The following OTUD4 variants were observed in gnomAD, a reference collection of about 807,000 sequenced individuals.
OTUD4 encodes OTU domain-containing protein 4.
A neutral mutation model predicts 130.4 loss-of-function variants in OTUD4; 24 were observed. The ratio of observed to expected loss-of-function variants is 0.18; its 90% CI spans 0.13 to 0.26. The LOEUF (loss-of-function observed/expected upper bound fraction) is 0.26, where lower values mean the gene tolerates loss of function less well. Ranked by LOEUF, OTUD4 falls within the 10% of genes least tolerant of loss-of-function variation. The probability of loss-of-function intolerance (pLI) is 1.00; values close to 1 mark genes in which losing one functional copy is unlikely to be tolerated. For missense variants in OTUD4, 1,031 were observed against 1,329.4 expected, an observed-to-expected ratio of 0.78 and a Z score of 3.49; for synonymous variants, 420 against 472.5, an observed-to-expected ratio of 0.89 and a Z score of 1.44.
At chr4:145,168,752 T>C (rs1245753687) in intron 3 of OTUD4, among the ~76,000 whole-genome samples, 1 of 152,244 alleles carries the variant, frequency 6.6e-6, no homozygotes, top group East Asian at 1.9e-4. Context: ...TTTGGCAGTT[T>C]CTTAAAAATA....
In OTUD4 at chr4:145,136,356, TAGAAA is replaced by T. The variant is rs1369288961; in HGVS notation, c.*1069_*1073del. 1 of 148,390 alleles carries T rather than the reference TAGAAA, an allele frequency of 6.7e-6. No homozygotes were observed. Among genetic ancestry groups the T allele is most frequent in the Non-Finnish European group, 1.5e-5 (1 of 67,534 alleles). The allele number at this position is 148,390 out of a possible 1,614,324, so 9.2% of individuals were successfully genotyped here. A position where few individuals can be genotyped will look rare whatever the true frequency, so the allele number is the denominator to read the frequency against. On this transcript the variant is annotated 3_prime_UTR_variant, in exon 21 of 21. Coordinates refer to ENST00000447906, the MANE Select transcript of OTUD4 (RefSeq NM_001366057.1). Reference sequence around the variant, plus strand: ...AAAACCATTTTCTAGCAGCATCCTCTAGAAAAGAACTAGAAGTCACAATCATATTA... The same window carrying T: ...AAAACCATTTTCTAGCAGCATCCTCTAGAACTAGAAGTCACAATCATATTA...
chr4:145,160,017 C>T (rs1751481428), intron 6 of OTUD4, among the ~76,000 whole-genome samples: 1 of 152,188 alleles, frequency 6.6e-6, no homozygotes, highest in Admixed American at 6.5e-5. Context: ...AATTCCAGCA[C>T]AGTGAAGCAT....
Position 145,159,525 on chromosome 4 carries a change from C to G in OTUD4, c.607G>C (p.Asp203His), listed in dbSNP as rs1285028544. The G allele has an allele frequency of 6.2e-7, 1 of 1,613,606 alleles. No individual in the cohort carries two copies. The highest frequency in any genetic ancestry group is 1.7e-5 in the Admixed American group (1 of 60,022). ...VADEDNSEIS[D>H]SEDDSCKSKT... ...TACTTGCAACTGTCATCCTCTGAAT[C>G]TGATATTTCACTGTTATCTTCATCA... Residue 203 changes from aspartate to histidine, a missense_variant, in exon 7 of 21, where the codon GAT (aspartate) becomes CAT (histidine). Around this residue, in one of 3 missense-constraint regions of OTUD4, gnomAD observed 900 missense variants for 1,095.9 expected, o/e 0.82. Coordinates refer to ENST00000447906, the MANE Select transcript of OTUD4 (RefSeq NM_001366057.1).
intron 4 of OTUD4, 33 bp downstream of exon 4, chr4:145,165,113 GTTTCA>G (rs1751782852): frequency 8.4e-7 from 1 of 1,184,410 alleles, no homozygotes; most frequent in Non-Finnish European, 1.2e-6. Context: ...TTTCCCACTG[GTTTCA>G]TTTTCTTTTA....
intron 13 of OTUD4, 54 bp from the exon 14 acceptor site, chr4:145,146,483 TAAATA>T (rs1750832330): frequency 1.0e-6 from 1 of 955,500 alleles, no homozygotes. Context: ...AATAAATAAA[TAAATA>T]AAACATTCTT....
intron 20 of OTUD4, among the ~76,000 whole-genome samples, chr4:145,139,068 G>GC (rs1750433240): frequency 6.6e-6 from 1 of 152,116 alleles, no homozygotes; most frequent in Non-Finnish European, 1.5e-5. Context: ...AATTCTAGGA[G>GC]CCCCCAAGAG....
chr4:145,138,006 G>C lies in OTUD4; in HGVS notation c.2769C>G (p.Leu923=). 6.2e-7 allele frequency: 1 copy of C among 1,614,044 alleles called. No homozygotes were observed. Residue 923 remains leucine (L), a synonymous_variant, in exon 21 of 21, where the codon CTC becomes CTG. Transcript: ENST00000447906. ...PEARGEHVHS[L]PEASVSSKPD... ...GCTTACTGCTCACACTTGCTTCAGGGAGAGAATGTACATGTTCACCCCTGG... is the reference window on the plus strand; with the variant it reads ...GCTTACTGCTCACACTTGCTTCAGGCAGAGAATGTACATGTTCACCCCTGG...
chr4:145,155,712 A>G, intron 8 of OTUD4, 26 bp from the exon 9 acceptor site: 2 of 1,402,988 alleles, frequency 1.4e-6, no homozygotes, highest in East Asian at 2.3e-5. Flanking sequence ...AAGTCCAATC[A>G]ACACATAAGT....
In OTUD4 at chr4:145,137,703, T is replaced by G; in HGVS notation, c.3072A>C (p.Ser1024=). ...TATTAGACACTTCATTTTCATCTTC[T>G]GAACTCTCTTCTTTTGGTCTTTGCA... ...SRVQRPKEES[S]EDENEVSNIL... Residue 1024 remains serine (S), a synonymous_variant, in exon 21 of 21, where the codon TCA becomes TCC. Coordinates refer to ENST00000447906, the MANE Select transcript of OTUD4 (RefSeq NM_001366057.1). 1.2e-6 allele frequency: 2 copies of G among 1,614,112 alleles called. No homozygotes were observed. Among genetic ancestry groups the G allele is most frequent in the Non-Finnish European group, 1.7e-6 (2 of 1,180,012 alleles).
intron 3 of OTUD4, chr4:145,171,403 C>T (rs1220135605): frequency 9.2e-6 from 3 of 326,300 alleles, no homozygotes; most frequent in Non-Finnish European, 1.7e-5. Context: ...ATCATCACCC[C>T]AGTATTATTT....
intron 6 of OTUD4, among the ~76,000 whole-genome samples, chr4:145,162,385 C>G (rs1751619554): frequency 6.6e-6 from 1 of 152,004 alleles, no homozygotes; most frequent in Non-Finnish European, 1.5e-5. Flanking sequence ...AACCTAGTCT[C>G]TATTAAAAAT....
At chr4:145,168,748 A>G (rs1183970238) in intron 3 of OTUD4, among the ~76,000 whole-genome samples, 1 of 152,234 alleles carries the variant, frequency 6.6e-6, no homozygotes, top group Non-Finnish European at 1.5e-5. Context: ...AAAGTTTGGC[A>G]GTTTCTTAAA....
Position 145,180,147 on chromosome 4 carries a change from T to C in OTUD4, c.-174A>G, listed in dbSNP as rs1237695714. 4 of 265,236 alleles carry C rather than the reference T, an allele frequency of 1.5e-5. No homozygotes were observed. Among genetic ancestry groups the C allele is most frequent in the Non-Finnish European group, 2.4e-5 (4 of 163,548 alleles). 16.4% of individuals were successfully genotyped at this position (265,236 alleles called of 1,614,324 possible). A position where few individuals can be genotyped will look rare whatever the true frequency, so the allele number is the denominator to read the frequency against. On this transcript the variant is annotated 5_prime_UTR_variant, in exon 1 of 21. The change abolishes an upstream ATG in the 5' untranslated region. Coordinates refer to ENST00000447906, the MANE Select transcript of OTUD4 (RefSeq NM_001366057.1). ...CAGCGGTCCGCGCTCTCCGGGCGCA[T>C]AGGGAAGCCCTGCCTAATGCATGGC...
chr4:145,162,556 A>AAAAACAAAAAAC (rs940058132), intron 6 of OTUD4, 84 bp downstream of exon 6: 64 of 738,216 alleles, frequency 8.7e-5, no homozygotes, highest in Non-Finnish European at 1.3e-4. Context: ...CGTCTCAAAA[A>AAAAACAAAAAAC]AAAACAAAAA....
In OTUD4 at chr4:145,143,373, C is replaced by A. The variant is rs775077799; in HGVS notation, c.1675G>T (p.Ala559Ser). 1 of 1,595,882 alleles carries A rather than the reference C, an allele frequency of 6.3e-7. No individual in the cohort carries two copies. Among genetic ancestry groups the A allele is most frequent in the Non-Finnish European group, 8.6e-7 (1 of 1,163,858 alleles). ...TGCAACAATATACTTACTTGTTCCGCAGGAGAAGGGCACTCTAACTTCTTT... is the reference window on the plus strand; with the variant it reads ...TGCAACAATATACTTACTTGTTCCGAAGGAGAAGGGCACTCTAACTTCTTT... ...KSKKLECPSP[A>S]EQKPAEHVSL... Residue 559 changes from alanine (A) to serine (S), a missense_variant, in exon 17 of 21, where the codon GCG becomes TCG. By Grantham distance (99) the Ala-to-Ser change is moderately conservative. Coordinates refer to ENST00000447906, the MANE Select transcript of OTUD4 (RefSeq NM_001366057.1).
chr4:145,143,414 G>A lies in OTUD4; in HGVS notation c.1634C>T (p.Ser545Leu). 6.2e-7 allele frequency: 1 copy of A among 1,610,876 alleles called. No homozygotes were observed. Among genetic ancestry groups the A allele is most frequent in the East Asian group, 2.2e-5 (1 of 44,796 alleles). ...NITDDKYATVSSPSKSKKLEC... is the reference protein window; with the variant it reads ...NITDDKYATVLSPSKSKKLEC... ...TAACTTCTTTGACTTTGATGGTGATGAAACTGTTGCATATTTATCATCAGT... is the reference window on the plus strand; with the variant it reads ...TAACTTCTTTGACTTTGATGGTGATAAAACTGTTGCATATTTATCATCAGT... Residue 545 changes from serine (S) to leucine (L), a missense_variant, in exon 17 of 21, where the codon TCA (serine) becomes TTA (leucine). Ser to Leu is a moderately radical substitution (Grantham distance 145, BLOSUM62 -2). Coordinates refer to ENST00000447906, the MANE Select transcript of OTUD4 (RefSeq NM_001366057.1).
chr4:145,155,747 A>G, intron 8 of OTUD4, 61 bp from the exon 9 acceptor site: 1 of 1,193,652 alleles, frequency 8.4e-7, no homozygotes, highest in Admixed American at 2.3e-5. Flanking sequence ...TTTGTTTGAG[A>G]TACACGTAAA....
At chr4:145,172,647 A>T (rs1752233293) in intron 2 of OTUD4, among the ~76,000 whole-genome samples, 1 of 152,204 alleles carries the variant, frequency 6.6e-6, no homozygotes, top group South Asian at 2.1e-4. Context: ...ACATTAAAGT[A>T]TACTCCCTTG....
rs148940323 is a variant in OTUD4 at position 145,174,273 on chromosome 4, A to G, written c.243+388T>C. 1.1e-4 allele frequency among the ~76,000 whole-genome samples: 16 copies of G among 152,228 alleles called. No homozygotes were observed. In the East Asian group the frequency reaches 2.7e-3, roughly 26 times the overall value. Reference sequence around the variant, plus strand: ...GGTGTGAGCCACCATGCCCAGACTGAATTTTTTTTCTTTTAATTTATAGGG... The same window carrying G: ...GGTGTGAGCCACCATGCCCAGACTGGATTTTTTTTCTTTTAATTTATAGGG... On this transcript the variant is annotated intron_variant, in intron 2 of 20. Coordinates refer to ENST00000447906, the MANE Select transcript of OTUD4 (RefSeq NM_001366057.1).
Sources: gnomAD v4.1 joint callset for allele counts (sites outside exome capture counted in the v4.1 genomes callset) on GRCh38, gnomAD v4.1.1 for gene constraint, gnomAD v4.1.1 regional missense constraint, MANE v1.5 for transcripts, NCBI Gene and HGNC (gene_info 2026-07-23, HGNC 2026-07-21) for gene names.